LRP1B: variants seen among roughly 807,000 people sequenced by gnomAD.
The protein encoded by LRP1B is low-density lipoprotein receptor-related protein 1B.
LRP1B carries 217 observed loss-of-function variants against 556.6 expected under a neutral mutation model. The observed-to-expected ratio is 0.39, with a 90% confidence interval of 0.35 to 0.44. LRP1B has a LOEUF of 0.44. Among genes scored for constraint, LRP1B ranks in the 20% least tolerant of loss-of-function variants. The pLI is 1.00. For synonymous variants in LRP1B, 2,047 were observed against 1,865.8 expected, an observed-to-expected ratio of 1.10 and a Z score of -2.50; for missense variants, 5,053 against 5,620.8, an observed-to-expected ratio of 0.90 and a Z score of 3.23.
intron 90 of LRP1B, 147 bp from the exon 91 acceptor site, chr2:140,233,473 T>C (rs567833924): frequency 1.4e-4 from 70 of 509,436 alleles, no homozygotes; most frequent in Non-Finnish European, 1.9e-4. Context: ...AAAGGTTATT[T>C]ACATGTTACA....
chr2:141,548,548 T>C (rs2105225543), intron 2 of LRP1B, among the ~76,000 whole-genome samples: 1 of 152,338 alleles, frequency 6.6e-6, no homozygotes, highest in South Asian at 2.1e-4. Flanking sequence ...ATTGTTACTG[T>C]TCTGCTGAGA....
intron 3 of LRP1B, among the ~76,000 whole-genome samples, chr2:141,447,716 C>T (rs761729747): frequency 6.6e-6 from 1 of 152,136 alleles, no homozygotes; most frequent in Non-Finnish European, 1.5e-5. Flanking sequence ...ACTCCAGACC[C>T]TGTTTGCCTG....
At chr2:140,547,100 T>C (rs1165993825) in intron 43 of LRP1B, among the ~76,000 whole-genome samples, 1 of 152,178 alleles carries the variant, frequency 6.6e-6, no homozygotes, top group Admixed American at 6.6e-5. Context: ...TCAAGGATAT[T>C]GGTCCGAAGT....
chr2:141,382,753 T>A (rs2104889816), intron 3 of LRP1B, among the ~76,000 whole-genome samples: 1 of 152,296 alleles, frequency 6.6e-6, no homozygotes, highest in African/African-American at 2.4e-5. Context: ...TTGAGCAAGT[T>A]GAATTTATTT....
intron 2 of LRP1B, among the ~76,000 whole-genome samples, chr2:141,517,448 C>T (rs1281388499): frequency 6.6e-6 from 1 of 151,996 alleles, no homozygotes; most frequent in East Asian, 1.9e-4. Context: ...TCTCACAGAG[C>T]GGGGATTCTG....
intron 1 of LRP1B, among the ~76,000 whole-genome samples, chr2:141,923,812 C>G (rs1377571085): frequency 1.3e-5 from 2 of 151,866 alleles, no homozygotes; most frequent in Non-Finnish European, 2.9e-5. Flanking sequence ...ATTTCTTTCC[C>G]TTTCCCTGGT....
intron 35 of LRP1B, among the ~76,000 whole-genome samples, chr2:140,719,051 T>G (rs765949875): frequency 1.1e-4 from 16 of 152,146 alleles, no homozygotes; most frequent in Non-Finnish European, 2.1e-4. Flanking sequence ...TTTGTTGGTT[T>G]GTTTGTTGAG....
intron 1 of LRP1B, among the ~76,000 whole-genome samples, chr2:141,957,391 G>A (rs376972536): frequency 6.4e-5 from 8 of 124,910 alleles, no homozygotes; most frequent in South Asian, 6.7e-4. Context: ...TGTGGGGGGG[G>A]GGGGGCGGGG....
chr2:140,858,805 G>C (rs767475315), intron 27 of LRP1B, among the ~76,000 whole-genome samples: 43 of 151,872 alleles, frequency 2.8e-4, no homozygotes, highest in Admixed American at 9.9e-4. Context: ...TCAATGTTCA[G>C]CTCCCACTTA....
intron 31 of LRP1B, among the ~76,000 whole-genome samples, chr2:140,839,380 T>C (rs960098224): frequency 1.3e-5 from 2 of 152,146 alleles, no homozygotes; most frequent in Admixed American, 1.3e-4. Flanking sequence ...GTGAAGCTGT[T>C]GCCAAAGGAG....
chr2:140,383,077 C>G (rs1683598329), intron 67 of LRP1B, among the ~76,000 whole-genome samples: 1 of 152,108 alleles, frequency 6.6e-6, no homozygotes, highest in Admixed American at 6.6e-5. Flanking sequence ...CACACAATGA[C>G]AAAATTGCCT....
At chr2:141,040,844 T>C (rs563858976) in intron 11 of LRP1B, among the ~76,000 whole-genome samples, 1 of 152,192 alleles carries the variant, frequency 6.6e-6, no homozygotes, top group East Asian at 1.9e-4. Flanking sequence ...ATCACATGAA[T>C]ATAGCACTGT....
intron 32 of LRP1B, among the ~76,000 whole-genome samples, chr2:140,802,080 T>C (rs1433138669): frequency 6.6e-6 from 1 of 152,094 alleles, no homozygotes; most frequent in East Asian, 1.9e-4. Flanking sequence ...ATAGAACCGC[T>C]ATAGAAAAAA....
intron 3 of LRP1B, among the ~76,000 whole-genome samples, chr2:141,360,787 T>C (rs1346332241): frequency 3.3e-5 from 5 of 152,176 alleles, no homozygotes; most frequent in Non-Finnish European, 7.4e-5. Context: ...TCATTCGCTA[T>C]ATAGGAAGGA....
chr2:141,266,357 T>A (rs1029852248), intron 3 of LRP1B, among the ~76,000 whole-genome samples: 3 of 151,418 alleles, frequency 2.0e-5, no homozygotes, highest in Non-Finnish European at 2.9e-5. Context: ...TATGCATATA[T>A]GCATATTTTC....
intron 2 of LRP1B, among the ~76,000 whole-genome samples, chr2:141,661,313 T>C (rs1276030419): frequency 6.6e-6 from 1 of 152,076 alleles, no homozygotes; most frequent in Non-Finnish European, 1.5e-5. Context: ...TGGCACCGGA[T>C]TGGGCTGAGG....
rs2105189391 is a variant in LRP1B at position 140,598,778 on chromosome 2, C to T, written c.7047G>A (p.Leu2349=). 1 of 1,612,386 alleles carries T rather than the reference C, an allele frequency of 6.2e-7. No individual in the cohort carries two copies. The highest frequency in any genetic ancestry group is 8.5e-7 in the Non-Finnish European group (1 of 1,178,578). ...CCACCACTTGAGCATTTTTCCCAGTCAGAGTAGATCTCATGATACTTGGAT... is the reference window on the plus strand; with the variant it reads ...CCACCACTTGAGCATTTTTCCCAGTTAGAGTAGATCTCATGATACTTGGAT... ...EQHPSIMRST[L]TGKNAQVVVS... Residue 2349 remains leucine, a synonymous_variant, in exon 43 of 91, where the codon CTG becomes CTA. Transcript: ENST00000389484.
intron 3 of LRP1B, among the ~76,000 whole-genome samples, chr2:141,305,266 C>T (rs935754690): frequency 2.6e-5 from 4 of 152,066 alleles, no homozygotes; most frequent in South Asian, 2.1e-4. Context: ...CTTTCATCAA[C>T]GTTTTGTAGT....
chr2:141,490,314 C>G (rs1292161145), intron 2 of LRP1B, among the ~76,000 whole-genome samples: 1 of 150,768 alleles, frequency 6.6e-6, no homozygotes, highest in Non-Finnish European at 1.5e-5. Flanking sequence ...AGTTAACATC[C>G]TTTTACTGAA....
Sources: gnomAD v4.1 joint callset for allele counts (sites outside exome capture counted in the v4.1 genomes callset) on GRCh38, gnomAD v4.1.1 for gene constraint, MANE v1.5 for transcripts, NCBI Gene and HGNC (gene_info 2026-07-23, HGNC 2026-07-21) for gene names.